KCNH5: variants seen among roughly 807,000 people sequenced by gnomAD.
The protein encoded by KCNH5 is voltage-gated delayed rectifier potassium channel KCNH5.
Under a neutral mutation model 96.1 loss-of-function variants are expected in KCNH5, and 46 were observed. That is an observed-to-expected ratio of 0.48 (90% CI 0.38 to 0.61). The LOEUF is 0.61. Among genes scored for constraint, KCNH5 ranks in the 20% least tolerant of loss-of-function variants. The probability of loss-of-function intolerance (pLI) is 0.00; values close to 1 mark genes in which losing one functional copy is unlikely to be tolerated. For missense variants in KCNH5, 907 were observed against 1,225.8 expected (o/e 0.74, Z 3.88); for synonymous variants, 439 against 449.8 (o/e 0.98, Z 0.30).
intron 7 of KCNH5, among the ~76,000 whole-genome samples, chr14:62,936,763 G>A (rs984319474): frequency 2.0e-5 from 3 of 151,630 alleles, no homozygotes. Flanking sequence ...AGATCACGAG[G>A]TCAGGAGTTC....
At chr14:62,976,694 G>A (rs1890506847) in intron 6 of KCNH5, among the ~76,000 whole-genome samples, 1 of 152,178 alleles carries the variant, frequency 6.6e-6, no homozygotes, top group Non-Finnish European at 1.5e-5. Context: ...TAGGTCACAT[G>A]TAAAGGAACA....
intron 7 of KCNH5, among the ~76,000 whole-genome samples, chr14:62,850,707 T>A (rs1386518480): frequency 6.6e-6 from 1 of 152,138 alleles, no homozygotes; most frequent in Non-Finnish European, 1.5e-5. Context: ...TAGGGTACAG[T>A]TCAGCCTAAA....
chr14:62,865,091 G>C (rs1001301220), intron 7 of KCNH5, among the ~76,000 whole-genome samples: 1 of 152,116 alleles, frequency 6.6e-6, no homozygotes, highest in South Asian at 2.1e-4. Context: ...AGCAAGAGTA[G>C]GAGTGCTAGG....
chr14:62,913,375 G>A (rs774177936), intron 7 of KCNH5, among the ~76,000 whole-genome samples: 7 of 151,980 alleles, frequency 4.6e-5, no homozygotes, highest in African/African-American at 9.7e-5. Flanking sequence ...CTACAGGCAC[G>A]TGCCAGCATG....
chr14:62,705,239 T>G lies in KCNH5; in HGVS notation c.*2269A>C, dbSNP rs1221917181. ...CATGAATTAGAACTTCAAATCATCATGTTGTTCACAGTCATTCTTTTATAG... is the reference window on the plus strand; with the variant it reads ...CATGAATTAGAACTTCAAATCATCAGGTTGTTCACAGTCATTCTTTTATAG... On this transcript the variant is annotated 3_prime_UTR_variant, in exon 11 of 11. Transcript: ENST00000322893. 1 of 152,014 alleles carries G rather than the reference T, an allele frequency of 6.6e-6. No individual in the cohort carries two copies. The highest frequency in any genetic ancestry group is 2.4e-5 in the African/African-American group (1 of 41,448). The allele number at this position is 152,014 out of a possible 1,614,324, so 9.4% of individuals were successfully genotyped here.
intron 8 of KCNH5, among the ~76,000 whole-genome samples, chr14:62,829,908 T>C (rs1887307736): frequency 6.6e-6 from 1 of 152,190 alleles, no homozygotes. Flanking sequence ...TAAACATAAG[T>C]TTCAATGTCA....
At chr14:62,814,572 C>T (rs1886935752) in intron 8 of KCNH5, among the ~76,000 whole-genome samples, 2 of 151,902 alleles carry the variant, frequency 1.3e-5, no homozygotes, top group Admixed American at 1.3e-4. Context: ...ATGAGCCAGT[C>T]AGGAGCTTGA....
In KCNH5 at chr14:62,968,885, G is replaced by A. The variant is rs556798952; in HGVS notation, c.942+11987C>T. Among the ~76,000 whole-genome samples the A allele has an allele frequency of 4.2e-4, 64 of 152,242 alleles. 2 individuals are homozygous for A. The highest frequency in any genetic ancestry group is 4.7e-4 in the Non-Finnish European group (32 of 68,018). On this transcript the variant is annotated intron_variant, in intron 6 of 10. Coordinates refer to ENST00000322893, the MANE Select transcript of KCNH5 (RefSeq NM_139318.5). ...TTTGCTGGATTTGAATTATTTACCT[G>A]AAGTACAATTAAAGGATGCCAAATA...
chr14:62,912,886 T>C (rs1372494915), intron 7 of KCNH5, among the ~76,000 whole-genome samples: 2 of 152,254 alleles, frequency 1.3e-5, no homozygotes, highest in Non-Finnish European at 1.5e-5. Context: ...TAGTCCCTTC[T>C]AGTTTCACAG....
intron 10 of KCNH5, among the ~76,000 whole-genome samples, chr14:62,755,778 C>T (rs1885609052): frequency 6.6e-6 from 1 of 152,138 alleles, no homozygotes; most frequent in South Asian, 2.1e-4. Flanking sequence ...TGGGATTTAT[C>T]CCAGGGATCT....
chr14:62,862,967 C>T (rs189146008), intron 7 of KCNH5, among the ~76,000 whole-genome samples: 8 of 152,216 alleles, frequency 5.3e-5, no homozygotes, highest in Admixed American at 2.6e-4. Context: ...GAAAGCCCTC[C>T]GTTTTGCTCC....
chr14:62,866,597 T>C (rs1195889077), intron 7 of KCNH5, among the ~76,000 whole-genome samples: 1 of 152,294 alleles, frequency 6.6e-6, no homozygotes, highest in East Asian at 1.9e-4. Context: ...AGGTACTACA[T>C]AACCTGACAG....
chr14:62,965,006 A>G (rs1890278841), intron 6 of KCNH5, among the ~76,000 whole-genome samples: 1 of 152,168 alleles, frequency 6.6e-6, no homozygotes, highest in Non-Finnish European at 1.5e-5. Flanking sequence ...TTATGAAGAT[A>G]GGGAAGGATT....
At chr14:62,895,001 C>T (rs1888782894) in intron 7 of KCNH5, among the ~76,000 whole-genome samples, 2 of 152,150 alleles carry the variant, frequency 1.3e-5, no homozygotes, top group South Asian at 4.1e-4. Context: ...ATTCATAACA[C>T]TGAACTTAAT....
intron 1 of KCNH5, among the ~76,000 whole-genome samples, chr14:63,028,426 C>T (rs1381947911): frequency 2.0e-5 from 3 of 152,124 alleles, no homozygotes; most frequent in African/African-American, 7.2e-5. Flanking sequence ...CATGTTATCC[C>T]TAATCAGGAA....
At chr14:63,015,305 T>C (rs115539837) in intron 2 of KCNH5, among the ~76,000 whole-genome samples, 178 of 152,152 alleles carry the variant, frequency 1.2e-3, no homozygotes, top group African/African-American at 4.1e-3. Context: ...GGGGTAGGAA[T>C]CTGTTTTGCA....
At chr14:62,808,078 C>T (rs1199397414) in intron 8 of KCNH5, among the ~76,000 whole-genome samples, 1 of 152,046 alleles carries the variant, frequency 6.6e-6, no homozygotes, top group African/African-American at 2.4e-5. Context: ...TGCTTACCAA[C>T]CAGGGTTTTC....
intron 9 of KCNH5, among the ~76,000 whole-genome samples, chr14:62,795,644 G>A (rs1886526160): frequency 6.6e-6 from 1 of 152,120 alleles, no homozygotes; most frequent in South Asian, 2.1e-4. Flanking sequence ...AGTAACAGCT[G>A]TACTAGCTAA....
chr14:62,728,882 A>T (rs1254664036), intron 10 of KCNH5, among the ~76,000 whole-genome samples: 1 of 152,250 alleles, frequency 6.6e-6, no homozygotes, highest in Admixed American at 6.5e-5. Context: ...AGACACAGTT[A>T]GTAGACAGGT....
Sources: allele counts gnomAD v4.1 joint callset (sites outside exome capture counted in the v4.1 genomes callset), GRCh38; gene constraint gnomAD v4.1.1; transcripts MANE v1.5; gene names NCBI Gene and HGNC (gene_info 2026-07-23, HGNC 2026-07-21).